The following GRID2 variants were observed in gnomAD, a reference collection of about 807,000 sequenced individuals.
GRID2 encodes glutamate ionotropic receptor delta type subunit 2.
In GRID2, 33 loss-of-function variants were observed where a neutral mutation model predicts 114.8. That is an observed-to-expected ratio of 0.29 (90% CI 0.22 to 0.38). GRID2 has a LOEUF of 0.38. Ranked by LOEUF, GRID2 falls within the 10% of genes least tolerant of loss-of-function variation. GRID2 has a pLI of 1.00. For synonymous variants in GRID2, 505 were observed against 449.9 expected, an observed-to-expected ratio of 1.12 and a Z score of -1.55; for missense variants, 1,184 against 1,257.7, an observed-to-expected ratio of 0.94 and a Z score of 0.89.
intron 2 of GRID2, among the ~76,000 whole-genome samples, chr4:92,996,310 A>T (rs1259758571): frequency 2.6e-5 from 4 of 152,012 alleles, no homozygotes; most frequent in Non-Finnish European, 4.4e-5. Context: ...AAAAAATAAA[A>T]AAAATAAAAA....
intron 10 of GRID2, among the ~76,000 whole-genome samples, chr4:93,423,326 T>A (rs997573523): frequency 6.8e-6 from 1 of 148,062 alleles, no homozygotes; most frequent in African/African-American, 2.5e-5. Context: ...TTGTACTATT[T>A]TTTTTCTTTC....
intron 2 of GRID2, among the ~76,000 whole-genome samples, chr4:92,592,593 G>A (rs564039945): frequency 2.2e-4 from 34 of 152,090 alleles, no homozygotes; most frequent in African/African-American, 7.5e-4. Context: ...GAGGCAATAA[G>A]GTTCCCAGAT....
intron 8 of GRID2, among the ~76,000 whole-genome samples, chr4:93,309,316 C>T (rs1391146304): frequency 6.6e-6 from 1 of 152,188 alleles, no homozygotes; most frequent in Non-Finnish European, 1.5e-5. Flanking sequence ...AGGTGGATCA[C>T]TTGAGGCTAA....
At chr4:93,545,224 C>T (rs1733093739) in intron 13 of GRID2, among the ~76,000 whole-genome samples, 1 of 152,106 alleles carries the variant, frequency 6.6e-6, no homozygotes, top group Non-Finnish European at 1.5e-5. Context: ...ACGGCAGATT[C>T]CAATTTGTGC....
chr4:93,281,736 T>A (rs1416190126), intron 8 of GRID2, among the ~76,000 whole-genome samples: 2 of 151,992 alleles, frequency 1.3e-5, no homozygotes, highest in African/African-American at 4.8e-5. Context: ...CCTTCTTGCT[T>A]AAAATTCCTC....
chr4:93,269,916 A>G (rs1751252323), intron 8 of GRID2, among the ~76,000 whole-genome samples: 1 of 152,158 alleles, frequency 6.6e-6, no homozygotes, highest in Admixed American at 6.5e-5. Flanking sequence ...ACCTATTTGC[A>G]TATGATTTCT....
intron 2 of GRID2, among the ~76,000 whole-genome samples, chr4:93,014,179 CA>C (rs1722461497): frequency 1.3e-5 from 2 of 151,894 alleles, no homozygotes; most frequent in Admixed American, 6.6e-5. Context: ...GACAAAATAC[CA>C]CAGACTTGGT....
At chr4:92,774,755 A>G (rs774844252) in intron 2 of GRID2, among the ~76,000 whole-genome samples, 1 of 151,272 alleles carries the variant, frequency 6.6e-6, no homozygotes, top group Non-Finnish European at 1.5e-5. Context: ...ACCACCATGC[A>G]AGGCTAATTT....
chr4:92,720,135 A>T (rs2149316775), intron 2 of GRID2, among the ~76,000 whole-genome samples: 1 of 152,172 alleles, frequency 6.6e-6, no homozygotes, highest in Non-Finnish European at 1.5e-5. Flanking sequence ...ATTTCTTTTT[A>T]AGTCAAATTA....
intron 2 of GRID2, among the ~76,000 whole-genome samples, chr4:92,828,693 C>A (rs1393150187): frequency 6.6e-6 from 1 of 151,806 alleles, no homozygotes; most frequent in Non-Finnish European, 1.5e-5. Context: ...TTTTCTTTTT[C>A]TCTTGTGTGA....
At chr4:93,200,718 A>C (rs1179262584) in intron 4 of GRID2, among the ~76,000 whole-genome samples, 2 of 152,226 alleles carry the variant, frequency 1.3e-5, no homozygotes, top group East Asian at 3.8e-4. Flanking sequence ...ATTTAAAATG[A>C]CAAAATTCCT....
At position 92,659,341 on chromosome 4, in the gene GRID2, G is replaced by C. The variant is rs149739258; in HGVS notation, c.244+69055G>C. Among the ~76,000 whole-genome samples the C allele has an allele frequency of 3.3e-4, 50 of 151,620 alleles. 1 individual carries two copies. The South Asian group carries it at 3.7e-3, about 11-fold the overall frequency. ...AAGGAGAGGAATTAGAGAAGGGAAA[G>C]CTGGGTAAATACACAGGAAATCCAG... On this transcript the variant is annotated intron_variant, in intron 2 of 15. Coordinates refer to ENST00000282020, the MANE Select transcript of GRID2 (RefSeq NM_001510.4).
rs1169730873 is a variant in GRID2 at position 93,593,757 on chromosome 4, TTTA to T, written c.2194-32509_2194-32507del. Among the ~76,000 whole-genome samples the T allele has an allele frequency of 1.6e-4, 25 of 152,296 alleles. No homozygotes were observed. The South Asian group carries it at 4.3e-3, about 26-fold the overall frequency. On this transcript the variant is annotated intron_variant, in intron 13 of 15. Transcript: ENST00000282020. ...TTCCTGGAGGCTTTGCTCGTTTCTT[TTTA>T]TTGTTTTTTCTCTAAACTTTCCTTC...
At chr4:92,466,611 C>T (rs1421926036) in intron 1 of GRID2, among the ~76,000 whole-genome samples, 1 of 151,592 alleles carries the variant, frequency 6.6e-6, no homozygotes, top group Non-Finnish European at 1.5e-5. Context: ...TACTCATTTC[C>T]TTGGTTTCTT....
At chr4:93,677,909 C>G (rs1418844486) in intron 14 of GRID2, among the ~76,000 whole-genome samples, 1 of 151,260 alleles carries the variant, frequency 6.6e-6, no homozygotes, top group African/African-American at 2.4e-5. Context: ...TCCTCACCAG[C>G]AACGGAACAA....
intron 2 of GRID2, among the ~76,000 whole-genome samples, chr4:92,807,610 A>G (rs557918502): frequency 1.2e-4 from 18 of 152,148 alleles, no homozygotes; most frequent in African/African-American, 3.9e-4. Context: ...TGACCATGAC[A>G]TGAGACATTG....
intron 1 of GRID2, among the ~76,000 whole-genome samples, chr4:93,797,384 C>T (rs917460906): frequency 1.3e-5 from 2 of 152,132 alleles, no homozygotes; most frequent in African/African-American, 2.4e-5. Flanking sequence ...TGTGCTTGAG[C>T]TTCTAACTGT....
chr4:92,754,253 A>G (rs1737599623), intron 2 of GRID2, among the ~76,000 whole-genome samples: 1 of 152,178 alleles, frequency 6.6e-6, no homozygotes, highest in Non-Finnish European at 1.5e-5. Flanking sequence ...CTATCTGTGG[A>G]AGAACAGTTC....
chr4:92,763,012 A>G (rs576093377), intron 2 of GRID2, among the ~76,000 whole-genome samples: 1 of 152,076 alleles, frequency 6.6e-6, no homozygotes, highest in Admixed American at 6.6e-5. Context: ...AAGTCTGGGG[A>G]TTGGGAAGTG....
Sources: allele counts gnomAD v4.1 joint callset (sites outside exome capture counted in the v4.1 genomes callset), GRCh38; gene constraint gnomAD v4.1.1; transcripts MANE v1.5; gene names NCBI Gene and HGNC (gene_info 2026-07-23, HGNC 2026-07-21).